The following PRH1 variants were observed in gnomAD, a reference collection of about 807,000 sequenced individuals.
PRH1 encodes proline rich protein HaeIII subfamily 1.
In PRH1, 7 loss-of-function variants were observed where a neutral mutation model predicts 7.9. That is an observed-to-expected ratio of 0.89 (90% CI 0.50 to 1.67). The LOEUF (loss-of-function observed/expected upper bound fraction) is 1.67, where lower values mean the gene tolerates loss of function less well. Ranked by LOEUF, PRH1 falls within the 40% of genes most tolerant of loss-of-function variation. The pLI, the probability that PRH1 is intolerant of heterozygous loss-of-function variation, is 0.00. For missense variants in PRH1, 109 were observed against 223.6 expected (o/e 0.49, Z 3.27); for synonymous variants, 45 against 80.8 (o/e 0.56, Z 2.38).
chr12:11,043,267 C>T (rs984996277), intron 1 of PRH1, among the ~76,000 whole-genome samples: 23 of 152,074 alleles, frequency 1.5e-4, no homozygotes, highest in African/African-American at 5.6e-4. Flanking sequence ...TAAAAACCCT[C>T]AGAAATCTGA....
chr12:11,101,323 A>C (rs950584108), intron 1 of PRH1, among the ~76,000 whole-genome samples: 4 of 152,182 alleles, frequency 2.6e-5, no homozygotes, highest in African/African-American at 9.6e-5. Context: ...CCATGTCTCT[A>C]CAAAAAAATA....
At chr12:11,032,325 A>G (rs1942261166) in intron 1 of PRH1, among the ~76,000 whole-genome samples, 1 of 152,208 alleles carries the variant, frequency 6.6e-6, no homozygotes, top group Admixed American at 6.5e-5. Context: ...TAAGATCATC[A>G]CCAATGCGGA....
At chr12:10,889,019 A>G (rs926007256), upstream of PRH1, among the ~76,000 whole-genome samples, 2 of 152,218 alleles carry the variant, frequency 1.3e-5, no homozygotes. Context: ...CAATGCTAGC[A>G]ATGGCTGGTT....
At chr12:10,923,126 C>T (rs1487615250) in intron 2 of PRH1, among the ~76,000 whole-genome samples, 1 of 149,802 alleles carries the variant, frequency 6.7e-6, no homozygotes, top group African/African-American at 2.5e-5. Flanking sequence ...CCGCGCCCGG[C>T]CCTTTTTTTT....
rs1208114472 is a variant in PRH1 at position 11,096,388 on chromosome 12, A to G, written n.124-49200T>C. Among the ~76,000 whole-genome samples, 11 of 116,308 alleles carry G rather than the reference A, an allele frequency of 9.5e-5. 4 individuals are homozygous for G. The highest frequency in any genetic ancestry group is 3.2e-4 in the African/African-American group (11 of 34,654). 76.3% of individuals were successfully genotyped at this position (116,308 alleles called of 152,430 possible). A position where few individuals can be genotyped will look rare whatever the true frequency, so the allele number is the denominator to read the frequency against. On this transcript the variant is annotated intron_variant and non_coding_transcript_variant, in intron 1 of 4. Coordinates refer to the PRH1 transcript ENST00000541977. Reference sequence around the variant, plus strand: ...TTTTTTGTCTTATTGTTTTAGAGGTAGAAATGAACTTTTTGTTCTCCTTAT... The same window carrying G: ...TTTTTTGTCTTATTGTTTTAGAGGTGGAAATGAACTTTTTGTTCTCCTTAT...
chr12:10,930,225 A>C (rs753285013), intron 2 of PRH1: 1 of 1,597,006 alleles, frequency 6.3e-7, no homozygotes, highest in Non-Finnish European at 8.6e-7. Context: ...GCTCTGAATG[A>C]TTCATGCAGT....
At chr12:10,894,801 T>A (rs1006446772) in intron 2 of PRH1, 5 of 152,178 alleles carry the variant, frequency 3.3e-5, no homozygotes, top group Non-Finnish European at 7.4e-5. Context: ...TTAATTTAAA[T>A]CAGCAAGTAT....
At chr12:11,081,150 A>T (rs1325469386) in intron 1 of PRH1, among the ~76,000 whole-genome samples, 1 of 123,450 alleles carries the variant, frequency 8.1e-6, no homozygotes, top group Non-Finnish European at 1.9e-5. Context: ...TGTAGCCTCA[A>T]TGTGTTACCC....
At chr12:10,996,881 T>A (rs1940272026) in intron 1 of PRH1, 1 of 1,454,238 alleles carries the variant, frequency 6.9e-7, no homozygotes, top group Non-Finnish European at 9.2e-7. Context: ...GTGGGAAATA[T>A]AAAATGTTCC....
intron 1 of PRH1, among the ~76,000 whole-genome samples, chr12:11,009,337 T>C (rs28654530): frequency 0.3 from 46,211 of 151,756 alleles, 8,901 homozygotes; most frequent in East Asian, 0.74. Context: ...AGATTTTCTA[T>C]TGGTCTTTGA....
intron 2 of PRH1, among the ~76,000 whole-genome samples, chr12:10,922,831 C>CTTTTTTTTTTTTTT (rs202084629): frequency 8.4e-6 from 1 of 119,228 alleles, no homozygotes; most frequent in African/African-American, 2.8e-5. Context: ...TTTTCTTTTT[C>CTTTTTTTTTTTTTT]TTTTTTTTGA....
At chr12:11,016,939 G>A (rs987858500) in intron 1 of PRH1, among the ~76,000 whole-genome samples, 1 of 152,188 alleles carries the variant, frequency 6.6e-6, no homozygotes, top group Non-Finnish European at 1.5e-5. Flanking sequence ...AAGTTGCAGG[G>A]GATGGTAGTC....
chr12:10,978,721 G>A (rs548883252), intron 1 of PRH1, among the ~76,000 whole-genome samples: 19 of 151,870 alleles, frequency 1.3e-4, no homozygotes, highest in Non-Finnish European at 2.7e-4. Context: ...TTGATTTTGC[G>A]AGCAAAAAAC....
chr12:11,005,607 T>C (rs1049885028), intron 1 of PRH1, among the ~76,000 whole-genome samples: 8 of 152,090 alleles, frequency 5.3e-5, no homozygotes, highest in African/African-American at 1.7e-4. Context: ...TATAAGTCTA[T>C]TGTTAACAAG....
chr12:11,169,076 T>G (rs1472376772), intron 1 of PRH1, among the ~76,000 whole-genome samples: 1 of 152,224 alleles, frequency 6.6e-6, no homozygotes, highest in Non-Finnish European at 1.5e-5. Context: ...GCTGTTAAAT[T>G]CTGGAGCTGG....
intron 1 of PRH1, among the ~76,000 whole-genome samples, chr12:11,143,335 C>T (rs1176268334): frequency 6.6e-6 from 1 of 151,654 alleles, no homozygotes; most frequent in Non-Finnish European, 1.5e-5. Context: ...TCATAGTAAT[C>T]GCAAATCAAA....
At chr12:11,037,293 T>C (rs1638860347) in intron 1 of PRH1, among the ~76,000 whole-genome samples, 1 of 152,232 alleles carries the variant, frequency 6.6e-6, no homozygotes, top group African/African-American at 2.4e-5. Context: ...ATCTGGATCA[T>C]TTTACTATAG....
At chr12:10,926,583 A>T (rs1950126704) in intron 2 of PRH1, among the ~76,000 whole-genome samples, 1 of 152,190 alleles carries the variant, frequency 6.6e-6, no homozygotes, top group Non-Finnish European at 1.5e-5. Context: ...GAGGGAACTG[A>T]TATGGGATGT....
At chr12:10,997,801 G>A in intron 1 of PRH1, 1 of 1,613,312 alleles carries the variant, frequency 6.2e-7, no homozygotes, top group Non-Finnish European at 8.5e-7. Context: ...GTGCTATAAA[G>A]CCATTGGCAA....
Sources: gnomAD v4.1 joint callset for allele counts (sites outside exome capture counted in the v4.1 genomes callset) on GRCh38, gnomAD v4.1.1 for gene constraint, MANE v1.5 for transcripts, NCBI Gene and HGNC (gene_info 2026-07-23, HGNC 2026-07-21) for gene names.